WDR36: variants seen among roughly 807,000 people sequenced by gnomAD.
The protein encoded by WDR36 is WD repeat domain 36, also known as WD repeat-containing protein 36.
In WDR36, 63 loss-of-function variants were observed where a neutral mutation model predicts 112.7. That is an observed-to-expected ratio of 0.56 (90% CI 0.46 to 0.69). The LOEUF (loss-of-function observed/expected upper bound fraction) is 0.69. Ranked by LOEUF, WDR36 falls within the 30% of genes least tolerant of loss-of-function variation. WDR36 has a pLI of 0.00. For synonymous variants in WDR36, 410 were observed against 362.2 expected (o/e 1.13, Z -1.50); for missense variants, 1,226 against 1,070.3 (o/e 1.15, Z -2.03).
chr5:111,108,700 A>G (rs748178908), intron 12 of WDR36, among the ~76,000 whole-genome samples: 11 of 151,390 alleles, frequency 7.3e-5, no homozygotes, highest in Non-Finnish European at 1.0e-4. Flanking sequence ...GTCCTACAGC[A>G]TGGTACATTG....
intron 16 of WDR36, among the ~76,000 whole-genome samples, chr5:111,114,979 G>A (rs1009062795): frequency 6.6e-6 from 1 of 152,098 alleles, no homozygotes; most frequent in African/African-American, 2.4e-5. Context: ...AGCATTCAAA[G>A]CCACTAACCT....
At chr5:111,110,386 T>G in intron 13 of WDR36, 83 bp downstream of exon 13, 2 of 1,183,802 alleles carry the variant, frequency 1.7e-6, no homozygotes, top group Admixed American at 1.7e-5. Context: ...AATCTTTAAG[T>G]GCTGGGCATT....
intron 12 of WDR36, among the ~76,000 whole-genome samples, chr5:111,107,799 G>A (rs990668818): frequency 6.6e-6 from 1 of 151,286 alleles, no homozygotes; most frequent in Non-Finnish European, 1.5e-5. Context: ...GACCATGTAT[G>A]TAAGAGTTTA....
chr5:111,110,118 A>C (rs370363370), intron 12 of WDR36, 71 bp from the exon 13 acceptor site: 1 of 1,035,382 alleles, frequency 9.7e-7, no homozygotes, highest in African/African-American at 1.6e-5. Context: ...AGATAAAAAA[A>C]TGCTTTGGAA....
At chr5:111,093,500 G>A (rs531655813) in intron 1 of WDR36, among the ~76,000 whole-genome samples, 17 of 152,318 alleles carry the variant, frequency 1.1e-4, no homozygotes, top group African/African-American at 4.1e-4. Context: ...GAAAGTGAGG[G>A]CAGAGCTGAG....
intron 17 of WDR36, 121 bp from the exon 18 acceptor site, chr5:111,120,371 ACAAT>A (rs948086460): frequency 3.9e-6 from 3 of 761,370 alleles, no homozygotes; most frequent in East Asian, 2.7e-5. Context: ...TAAATTGATA[ACAAT>A]CTATCTTTGA....
Position 111,120,743 on chromosome 5 carries a change from A to G in WDR36, c.2002+150A>G, listed in dbSNP as rs1753547235. On this transcript the variant is annotated intron_variant, in intron 18 of 22. Coordinates refer to ENST00000513710, the MANE Select transcript of WDR36 (RefSeq NM_139281.3). ...TTTGAATGACTTCATGAATTTATGCAAAAATATAATTGATGTGGTATTGAT... is the reference window on the plus strand; with the variant it reads ...TTTGAATGACTTCATGAATTTATGCGAAAATATAATTGATGTGGTATTGAT... 3.8e-6 allele frequency: 3 copies of G among 780,338 alleles called. No homozygotes were observed. The East Asian group carries it at 7.9e-5, about 21-fold the overall frequency. The allele number at this position is 780,338 out of a possible 1,614,324, so 48.3% of individuals were successfully genotyped here. A position where few individuals can be genotyped will look rare whatever the true frequency, so the allele number is the denominator to read the frequency against.
At chr5:111,108,970 C>G (rs928454256) in intron 12 of WDR36, among the ~76,000 whole-genome samples, 1 of 151,254 alleles carries the variant, frequency 6.6e-6, no homozygotes, top group Non-Finnish European at 1.5e-5. Flanking sequence ...AGCAAAAATA[C>G]GTATAGAGAG....
Position 111,123,836 on chromosome 5 carries a change from T to C in WDR36, c.2180T>C (p.Val727Ala), listed in dbSNP as rs1281915291. Residue 727 changes from valine to alanine, a missense_variant, in exon 20 of 23, where the codon GTA becomes GCA. By Grantham distance (64) the Val-to-Ala change is moderately conservative. Coordinates refer to ENST00000513710, the MANE Select transcript of WDR36 (RefSeq NM_139281.3). ...AATAAACCAAAGGAACCACCCAAAG[T>C]ACCCAAATCAGCACCATTTTTCATT... Reference protein sequence around the residue: ...KKNKPKEPPKVPKSAPFFIPT... With the variant: ...KKNKPKEPPKAPKSAPFFIPT... 6.2e-7 allele frequency: 1 copy of C among 1,613,916 alleles called. No individual in the cohort carries two copies.
At chr5:111,105,713 A>T (rs1001308825) in intron 10 of WDR36, among the ~76,000 whole-genome samples, 5 of 151,412 alleles carry the variant, frequency 3.3e-5, no homozygotes, top group Non-Finnish European at 7.4e-5. Context: ...TTTTGCTTTA[A>T]AGCAATCATT....
intron 3 of WDR36, among the ~76,000 whole-genome samples, chr5:111,097,820 C>G (rs1753024244): frequency 6.6e-6 from 1 of 152,202 alleles, no homozygotes; most frequent in East Asian, 1.9e-4. Context: ...TATCACTGTA[C>G]TTGTCAGGGA....
At chr5:111,121,996 TAACAC>T (rs1022832860) in intron 19 of WDR36, among the ~76,000 whole-genome samples, 2 of 152,164 alleles carry the variant, frequency 1.3e-5, no homozygotes, top group Non-Finnish European at 2.9e-5. Context: ...TTGTAACTAA[TAACAC>T]AAGAAAAGAA....
chr5:111,097,601 T>C (rs1753020780), intron 3 of WDR36, among the ~76,000 whole-genome samples: 1 of 152,246 alleles, frequency 6.6e-6, no homozygotes, highest in African/African-American at 2.4e-5. Flanking sequence ...TTATAACTCT[T>C]TTTCTAAAAA....
chr5:111,094,412 C>G (rs1268668058), intron 1 of WDR36, among the ~76,000 whole-genome samples: 4 of 152,064 alleles, frequency 2.6e-5, no homozygotes, highest in Non-Finnish European at 5.9e-5. Context: ...AGTCTGTAAG[C>G]CAGTCTAGCC....
chr5:111,102,809 G>A (rs1753147455), intron 6 of WDR36, among the ~76,000 whole-genome samples: 1 of 151,596 alleles, frequency 6.6e-6, no homozygotes, highest in African/African-American at 2.4e-5. Context: ...CCTAATGTTT[G>A]ATTCGATGAT....
Position 111,126,995 on chromosome 5 carries a change from T to G in WDR36, c.*112T>G. On this transcript the variant is annotated 3_prime_UTR_variant, in exon 23 of 23. Coordinates refer to ENST00000513710, the MANE Select transcript of WDR36 (RefSeq NM_139281.3). ...GAAAATAAATGCTAGCACTACTGAC[T>G]AGTCAGTATATCTCCACTTTAAATG... is the stretch of plus-strand genomic sequence containing the variant. 2.0e-6 allele frequency: 2 copies of G among 1,008,932 alleles called. No homozygotes were observed. Among genetic ancestry groups the G allele is most frequent in the Non-Finnish European group, 2.9e-6 (2 of 698,462 alleles). 62.5% of individuals were successfully genotyped at this position (1,008,932 alleles called of 1,614,324 possible). A position where few individuals can be genotyped will look rare whatever the true frequency, so the allele number is the denominator to read the frequency against.
rs540215027 is a variant in WDR36, at chr5:111,113,077, T to C, written c.1720T>C (p.Phe574Leu). 29 of 1,413,870 alleles carry C rather than the reference T, an allele frequency of 2.1e-5. No individual in the cohort carries two copies. The African/African-American group carries it at 3.1e-4, about 15-fold the overall frequency. The allele number at this position is 1,413,870 out of a possible 1,614,324, so 87.6% of individuals were successfully genotyped here. Reference sequence around the variant, plus strand: ...ATTTTTTTTTTTTAATTTAAAGGCTTTTAGTCCTGATGGTCGTTGGTTAAT... The same window carrying C: ...ATTTTTTTTTTTTAATTTAAAGGCTCTTAGTCCTGATGGTCGTTGGTTAAT... ...GHQGQINDMA[F>L]SPDGRWLISA... The change falls in exon 16 of 23, where the codon TTT becomes CTT. Residue 574 changes from phenylalanine (F) to leucine (L), a missense_variant. By Grantham distance (22) the Phe-to-Leu change is conservative. Transcript: ENST00000513710.
intron 21 of WDR36, 56 bp from the exon 22 acceptor site, chr5:111,125,552 A>C: frequency 6.5e-7 from 1 of 1,542,350 alleles, no homozygotes. Context: ...GAAAACTGTA[A>C]TTTTCTAAGT....
At chr5:111,123,948 T>C (rs746485343) in intron 20 of WDR36, 24 bp downstream of exon 20, 1 of 1,613,038 alleles carries the variant, frequency 6.2e-7, no homozygotes, top group South Asian at 1.1e-5. Flanking sequence ...TAGAAGATTC[T>C]AAGTATATCG....
Sources: gnomAD v4.1 joint callset for allele counts (sites outside exome capture counted in the v4.1 genomes callset) on GRCh38, gnomAD v4.1.1 for gene constraint, MANE v1.5 for transcripts, NCBI Gene and HGNC (gene_info 2026-07-23, HGNC 2026-07-21) for gene names.